Variants in CSMD2 observed in about 807,000 individuals in gnomAD.
CSMD2 encodes CUB and Sushi multiple domains 2, also known as CUB and sushi domain-containing protein 2.
CSMD2 carries 130 observed loss-of-function variants against 398.5 expected under a neutral mutation model. That is an observed-to-expected ratio of 0.33 (90% CI 0.28 to 0.38). CSMD2 has a LOEUF of 0.38. CSMD2 is among the 10% of genes least tolerant of loss of function. The probability of loss-of-function intolerance (pLI) is 1.00; values close to 1 mark genes in which losing one functional copy is unlikely to be tolerated. For missense variants in CSMD2, 3,829 were observed against 4,764.9 expected (o/e 0.80, Z 5.78); for synonymous variants, 1,828 against 1,908.5 (o/e 0.96, Z 1.10).
chr1:33,987,386 A>C (rs942443478), intron 3 of CSMD2, among the ~76,000 whole-genome samples: 1 of 152,162 alleles, frequency 6.6e-6, no homozygotes, highest in African/African-American at 2.4e-5. Context: ...TACTATCAAC[A>C]TTTAGCAGAG....
chr1:34,085,378 CAATAAT>C (rs60890896), intron 2 of CSMD2, among the ~76,000 whole-genome samples: 209 of 149,294 alleles, frequency 1.4e-3, no homozygotes, highest in African/African-American at 3.9e-3. Flanking sequence ...CTTAAAAGTA[CAATAAT>C]AATAATAATA....
At chr1:34,056,584 T>C (rs1178951008) in intron 2 of CSMD2, among the ~76,000 whole-genome samples, 1 of 152,256 alleles carries the variant, frequency 6.6e-6, no homozygotes, top group Non-Finnish European at 1.5e-5. Flanking sequence ...CGGTTAACAA[T>C]GGTATCTACC....
At chr1:33,943,947 CA>C (rs1644760214) in intron 3 of CSMD2, among the ~76,000 whole-genome samples, 1 of 151,680 alleles carries the variant, frequency 6.6e-6, no homozygotes, top group African/African-American at 2.4e-5. Context: ...CACACACACA[CA>C]CACACACACA....
intron 2 of CSMD2, among the ~76,000 whole-genome samples, chr1:34,065,875 T>C (rs1251873923): frequency 6.6e-6 from 1 of 152,154 alleles, no homozygotes; most frequent in Non-Finnish European, 1.5e-5. Context: ...TAGTTCAATG[T>C]GTGTATATTA....
chr1:33,746,257 T>C (rs985741021), intron 13 of CSMD2, among the ~76,000 whole-genome samples: 1 of 152,002 alleles, frequency 6.6e-6, no homozygotes, highest in African/African-American at 2.4e-5. Context: ...GTTGGGAACA[T>C]AATGCAAATA....
rs1057010952 is a variant in CSMD2, at chr1:34,108,061, T to C, written c.188-18868A>G. Among the ~76,000 whole-genome samples, 3 of 152,160 alleles carry C rather than the reference T, an allele frequency of 2.0e-5. No homozygotes were observed. In the East Asian group the frequency reaches 5.8e-4, roughly 29 times the overall value. On this transcript the variant is annotated intron_variant, in intron 1 of 70. Coordinates refer to ENST00000373381, the MANE Select transcript of CSMD2 (RefSeq NM_001281956.2). ...ACTCCATTAATATTTGTCAAGTAAA[T>C]GGATTAATTTGTCTGCTTGTCAACG...
intron 1 of CSMD2, among the ~76,000 whole-genome samples, chr1:34,157,053 G>T (rs1211803696): frequency 2.0e-5 from 3 of 152,080 alleles, no homozygotes; most frequent in Non-Finnish European, 4.4e-5. Context: ...AGCTGCCCTG[G>T]GGTTCCTGGT....
chr1:33,864,724 G>A (rs1179018816), intron 5 of CSMD2: 4 of 1,612,042 alleles, frequency 2.5e-6, no homozygotes, highest in Non-Finnish European at 3.4e-6. Context: ...AGAAACCGGT[G>A]CAGAGGGAAA....
At chr1:34,085,201 A>G (rs573053955) in intron 2 of CSMD2, among the ~76,000 whole-genome samples, 130 of 151,932 alleles carry the variant, frequency 8.6e-4, no homozygotes, top group African/African-American at 3.0e-3. Flanking sequence ...GGACACAGGA[A>G]GGGGACCATC....
intron 12 of CSMD2, among the ~76,000 whole-genome samples, chr1:33,774,758 G>C (rs1410001712): frequency 6.6e-6 from 1 of 152,138 alleles, no homozygotes; most frequent in African/African-American, 2.4e-5. Context: ...AAGAAAAAGG[G>C]GATCCTAAGG....
At chr1:33,688,118 C>T (rs572856794) in intron 25 of CSMD2, among the ~76,000 whole-genome samples, 2 of 152,146 alleles carry the variant, frequency 1.3e-5, no homozygotes, top group East Asian at 1.9e-4. Context: ...GACAACTGTT[C>T]GAAGATTCAG....
At chr1:33,540,347 G>C (rs75196862) in intron 60 of CSMD2, among the ~76,000 whole-genome samples, 178 bp downstream of exon 60, 1 of 151,894 alleles carries the variant, frequency 6.6e-6, no homozygotes, top group African/African-American at 2.4e-5. Context: ...TCAATTAAGG[G>C]ATCCTCATTT....
At chr1:33,622,430 C>A (rs1394584749) in intron 36 of CSMD2, among the ~76,000 whole-genome samples, 159 bp from the exon 37 acceptor site, 1 of 152,180 alleles carries the variant, frequency 6.6e-6, no homozygotes, top group African/African-American at 2.4e-5. Context: ...ATTAGCACTC[C>A]TCAGAGGGCT....
chr1:33,931,595 G>GAA (rs931800129), intron 4 of CSMD2, among the ~76,000 whole-genome samples: 1 of 152,294 alleles, frequency 6.6e-6, no homozygotes, highest in African/African-American at 2.4e-5. Flanking sequence ...CAGGGGGCTG[G>GAA]AAGCCCTTCT....
rs116319939 is a variant in CSMD2, at chr1:33,875,030, T to C, written c.921-28034A>G. Among the ~76,000 whole-genome samples the C allele has an allele frequency of 6.8e-3, 1,028 of 152,120 alleles. 6 individuals are homozygous for C. The highest frequency in any genetic ancestry group is 0.023 in the African/African-American group (960 of 41,494). The stretch of plus-strand genomic sequence containing the variant: ...GCAAAGTATCTACTCTGCCAGGAAG[T>C]GGGAAAGGGCCGCCAAGGCCTGATC... On this transcript the variant is annotated intron_variant, in intron 5 of 70. Coordinates refer to ENST00000373381, the MANE Select transcript of CSMD2 (RefSeq NM_001281956.2).
chr1:34,103,750 CAAT>C (rs1449215306), intron 1 of CSMD2, among the ~76,000 whole-genome samples: 5 of 74,704 alleles, frequency 6.7e-5, no homozygotes, highest in Admixed American at 5.4e-4. Flanking sequence ...TTGCCGTTAA[CAAT>C]GATGGCAAAC....
intron 6 of CSMD2, among the ~76,000 whole-genome samples, chr1:33,831,042 A>G (rs1477316065): frequency 3.9e-5 from 6 of 152,222 alleles, no homozygotes; most frequent in Admixed American, 6.5e-5. Flanking sequence ...TGATTGGTGT[A>G]CCTGAAAGTG....
intron 1 of CSMD2, among the ~76,000 whole-genome samples, chr1:34,134,854 G>A (rs891124129): frequency 2.6e-5 from 4 of 152,154 alleles, no homozygotes; most frequent in East Asian, 1.9e-4. Context: ...TTAAAGGAAC[G>A]CAATAATGAG....
At chr1:34,165,323 G>T (rs1641790527), upstream of CSMD2, 3 of 1,198,280 alleles carry the variant, frequency 2.5e-6, no homozygotes, top group Non-Finnish European at 1.0e-6. Context: ...GCCGGGGGGC[G>T]GGAGGGGGTG....
Sources: allele counts gnomAD v4.1 joint callset (sites outside exome capture counted in the v4.1 genomes callset), GRCh38; gene constraint gnomAD v4.1.1; transcripts MANE v1.5; gene names NCBI Gene and HGNC (gene_info 2026-07-23, HGNC 2026-07-21).